Variants in ARMC9 observed in about 807,000 individuals in gnomAD.
ARMC9 encodes armadillo repeat containing 9, also known as lisH domain-containing protein ARMC9.
In ARMC9, 94 loss-of-function variants were observed where a neutral mutation model predicts 107.0. The ratio of observed to expected loss-of-function variants is 0.88; its 90% CI spans 0.74 to 1.04. The LOEUF is 1.04. Ranked by LOEUF, ARMC9 falls within the 50% of genes least tolerant of loss-of-function variation. ARMC9 has a pLI of 0.00. For synonymous variants in ARMC9, 380 were observed against 396.9 expected (o/e 0.96, Z 0.51); for missense variants, 942 against 1,030.1 (o/e 0.91, Z 1.17).
chr2:231,342,131 A>G (rs1280047184), intron 20 of ARMC9, among the ~76,000 whole-genome samples: 1 of 152,188 alleles, frequency 6.6e-6, no homozygotes, highest in African/African-American at 2.4e-5. Flanking sequence ...CTCACACTGC[A>G]AGCAAGGGGA....
intron 16 of ARMC9, among the ~76,000 whole-genome samples, chr2:231,279,248 C>G (rs887648037): frequency 6.6e-6 from 1 of 152,190 alleles, no homozygotes; most frequent in Non-Finnish European, 1.5e-5. Context: ...AGTTTTTAAC[C>G]TATGGGCCCC....
intron 18 of ARMC9, 70 bp from the exon 19 acceptor site, chr2:231,296,128 G>A: frequency 8.3e-7 from 1 of 1,209,464 alleles, no homozygotes; most frequent in South Asian, 1.3e-5. Flanking sequence ...CTCTGCAGAG[G>A]CTGACAGATT....
intron 19 of ARMC9, among the ~76,000 whole-genome samples, chr2:231,327,749 C>T (rs2043426154): frequency 1.3e-5 from 2 of 151,836 alleles, no homozygotes; most frequent in Non-Finnish European, 2.9e-5. Flanking sequence ...AAGAAATTGC[C>T]GAAATGTAGT....
intron 23 of ARMC9, among the ~76,000 whole-genome samples, chr2:231,367,085 C>T (rs1053946001): frequency 3.9e-5 from 6 of 151,950 alleles, no homozygotes; most frequent in Admixed American, 6.6e-5. Flanking sequence ...CTCATGACCT[C>T]GTGATCCCCC....
chr2:231,345,061 C>T lies in ARMC9; in HGVS notation c.1965C>T (p.Thr655=). 1 of 1,613,742 alleles carries T rather than the reference C, an allele frequency of 6.2e-7. No individual in the cohort carries two copies. The highest frequency in any genetic ancestry group is 1.7e-5 in the Admixed American group (1 of 59,874). Reference sequence around the variant, plus strand: ...ATGAGCCCCTGCAAAGGCCCGTCACCCCCGGCGGCCACAGAAACGGGTACC... The same window carrying T: ...ATGAGCCCCTGCAAAGGCCCGTCACTCCCGGCGGCCACAGAAACGGGTACC... ...SGDEPLQRPV[T]PGGHRNGYPV... is the part of the protein sequence containing the mutation. The change falls in exon 21 of 25, where the codon ACC becomes ACT. Residue 655 remains threonine, a synonymous_variant. Transcript: ENST00000611582.
rs2040262928 is a variant in ARMC9 at position 231,282,149 on chromosome 2, T to C, written c.1626+16T>C. 6.2e-7 allele frequency: 1 copy of C among 1,612,908 alleles called. No individual in the cohort carries two copies. Among genetic ancestry groups the C allele is most frequent in the Admixed American group, 1.7e-5 (1 of 59,996 alleles). On this transcript the variant is annotated intron_variant, in intron 17 of 24. Transcript: ENST00000611582. ...AAGAGCAATGGTAAGAAAGCGTGCC[T>C]GAGAAACATGTGAGCTTCCTTTAGT...
chr2:231,269,114 GT>G (rs1251444532), intron 12 of ARMC9, among the ~76,000 whole-genome samples: 1 of 152,070 alleles, frequency 6.6e-6, no homozygotes, highest in Non-Finnish European at 1.5e-5. Context: ...TTTATCTTTT[GT>G]ATGTGACCTG....
At chr2:231,356,498 A>C (rs1252106963) in intron 22 of ARMC9, among the ~76,000 whole-genome samples, 1 of 152,256 alleles carries the variant, frequency 6.6e-6, no homozygotes, top group Non-Finnish European at 1.5e-5. Flanking sequence ...GGAAATTAAA[A>C]GGATTATGAG....
chr2:231,244,112 G>T (rs2036547017), intron 9 of ARMC9, among the ~76,000 whole-genome samples: 1 of 152,094 alleles, frequency 6.6e-6, no homozygotes, highest in Non-Finnish European at 1.5e-5. Context: ...CTTGGGCTGG[G>T]CCCTTTCACA....
At chr2:231,286,307 G>T (rs780448497) in intron 17 of ARMC9, among the ~76,000 whole-genome samples, 3 of 152,222 alleles carry the variant, frequency 2.0e-5, no homozygotes, top group Middle Eastern at 6.8e-3. Flanking sequence ...GTAGAGACGG[G>T]GTTTCACCGT....
intron 23 of ARMC9, among the ~76,000 whole-genome samples, chr2:231,361,707 C>G (rs1266221595): frequency 6.6e-6 from 1 of 152,136 alleles, no homozygotes; most frequent in Non-Finnish European, 1.5e-5. Context: ...GGCATGCCAG[C>G]TGCCCCTCAC....
chr2:231,337,750 A>G (rs867455114), intron 20 of ARMC9, among the ~76,000 whole-genome samples: 6 of 152,288 alleles, frequency 3.9e-5, no homozygotes, highest in South Asian at 2.1e-4. Context: ...TGTGCATGAA[A>G]ACACAACCAA....
intron 23 of ARMC9, among the ~76,000 whole-genome samples, chr2:231,365,652 G>T (rs1345754431): frequency 6.6e-6 from 1 of 152,006 alleles, no homozygotes; most frequent in African/African-American, 2.4e-5. Context: ...GATAAAGGCA[G>T]ATAGGAACCA....
At chr2:231,275,966 CAAAA>C (rs1010837211) in intron 14 of ARMC9, among the ~76,000 whole-genome samples, 5 of 151,822 alleles carry the variant, frequency 3.3e-5, no homozygotes, top group African/African-American at 4.8e-5. Flanking sequence ...GAAAAAAAAA[CAAAA>C]AACCTATTTG....
intron 6 of ARMC9, among the ~76,000 whole-genome samples, chr2:231,225,212 T>C (rs1343469276): frequency 6.6e-6 from 1 of 152,212 alleles, no homozygotes; most frequent in African/African-American, 2.4e-5. Context: ...TTCTATGCAT[T>C]TTTATCAAAG....
At chr2:231,348,172 T>A (rs374651067) in intron 21 of ARMC9, among the ~76,000 whole-genome samples, 90 of 152,346 alleles carry the variant, frequency 5.9e-4, no homozygotes, top group South Asian at 4.6e-3. Context: ...TAGAGATGGA[T>A]GATTCTGGAT....
intron 17 of ARMC9, among the ~76,000 whole-genome samples, chr2:231,286,104 G>A (rs1247352458): frequency 7.9e-5 from 12 of 152,074 alleles, no homozygotes; most frequent in Non-Finnish European, 1.8e-4. Flanking sequence ...CAGCCCTGCT[G>A]GTATTTGGTT....
intron 17 of ARMC9, among the ~76,000 whole-genome samples, chr2:231,286,034 C>G (rs1159722869): frequency 6.6e-6 from 1 of 152,194 alleles, no homozygotes; most frequent in Non-Finnish European, 1.5e-5. Flanking sequence ...CCCACAATTC[C>G]TCCACCTTGA....
rs1221245217 is a variant in ARMC9, at chr2:231,255,932, C to T, written c.880-654C>T. ...GCAGGTGCCTGTAATCCCAGCTACTCAGGAGGCTGAGGCAGGAGAATGGCG... is the reference window on the plus strand; with the variant it reads ...GCAGGTGCCTGTAATCCCAGCTACTTAGGAGGCTGAGGCAGGAGAATGGCG... On this transcript the variant is annotated intron_variant, in intron 9 of 24. Coordinates refer to ENST00000611582, the MANE Select transcript of ARMC9 (RefSeq NM_001352754.2). The surrounding 1 kb of genome is among the most constrained non-coding windows in gnomAD (Gnocchi z 4.7). Among the ~76,000 whole-genome samples, 1 of 152,158 alleles carries T rather than the reference C, an allele frequency of 6.6e-6. No individual in the cohort carries two copies. Among genetic ancestry groups the T allele is most frequent in the African/African-American group, 2.4e-5 (1 of 41,434 alleles).
Sources: allele counts gnomAD v4.1 joint callset (sites outside exome capture counted in the v4.1 genomes callset), GRCh38; gene constraint gnomAD v4.1.1; non-coding constraint Gnocchi (gnomAD v3.1); transcripts MANE v1.5; gene names NCBI Gene and HGNC (gene_info 2026-07-23, HGNC 2026-07-21).